Variants in DYNLRB1 observed in about 807,000 individuals in gnomAD.
DYNLRB1 encodes the protein ROBL/LC7-like 1.
DYNLRB1 carries 6 observed loss-of-function variants against 13.5 expected under a neutral mutation model. That is an observed-to-expected ratio of 0.44 (90% CI 0.24 to 0.88). The LOEUF is 0.88. Ranked by LOEUF, DYNLRB1 falls within the 40% of genes least tolerant of loss-of-function variation. The probability of loss-of-function intolerance (pLI) is 0.21; values close to 1 mark genes in which losing one functional copy is unlikely to be tolerated. For missense variants in DYNLRB1, 93 were observed against 127.2 expected (o/e 0.73, Z 1.29); for synonymous variants, 43 against 45.0 (o/e 0.96, Z 0.18).
At chr20:34,519,671 T>A (rs868762435) in intron 1 of DYNLRB1, among the ~76,000 whole-genome samples, 2 of 152,160 alleles carry the variant, frequency 1.3e-5, no homozygotes, top group South Asian at 2.1e-4. Flanking sequence ...CATATGTACA[T>A]TTAGGTGGTG....
At chr20:34,532,034 G>A (rs17091883) in intron 2 of DYNLRB1, among the ~76,000 whole-genome samples, 2,960 of 152,262 alleles carry the variant, frequency 0.019, 89 homozygotes, top group African/African-American at 0.059. Context: ...GCTAAGGGGC[G>A]GGTTCCCGGC....
chr20:34,532,070 G>A (rs1980756810), intron 2 of DYNLRB1, among the ~76,000 whole-genome samples: 1 of 152,204 alleles, frequency 6.6e-6, no homozygotes, highest in African/African-American at 2.4e-5. Flanking sequence ...GCCAACCCAG[G>A]GCTCTACCTG....
intron 1 of DYNLRB1, 33 bp downstream of exon 1, chr20:34,516,494 C>T: frequency 6.2e-7 from 1 of 1,608,144 alleles, no homozygotes; most frequent in Non-Finnish European, 8.5e-7. Flanking sequence ...TGGCTGGCGG[C>T]CGCCCACCAC....
chr20:34,536,271 G>A (rs1389187449), intron 3 of DYNLRB1: 1 of 985,296 alleles, frequency 1.0e-6, no homozygotes, highest in Admixed American at 6.1e-5. Flanking sequence ...CAGAACACCT[G>A]CAAATCCACA....
intron 1 of DYNLRB1, chr20:34,516,973 T>G: frequency 1.5e-6 from 2 of 1,315,422 alleles, no homozygotes. Context: ...GGAGATGGAT[T>G]TGAACCCTAG....
At chr20:34,533,574 A>T (rs1980879723) in intron 2 of DYNLRB1, 2 of 949,800 alleles carry the variant, frequency 2.1e-6, no homozygotes, top group African/African-American at 3.5e-5. Context: ...TAATCCCAGC[A>T]CTTTGGAAGG....
At chr20:34,525,527 A>C (rs1296404100) in intron 1 of DYNLRB1, among the ~76,000 whole-genome samples, 1 of 152,120 alleles carries the variant, frequency 6.6e-6, no homozygotes, top group African/African-American at 2.4e-5. Flanking sequence ...TTAGATGGTC[A>C]AGAGGAGTTT....
intron 2 of DYNLRB1, among the ~76,000 whole-genome samples, chr20:34,528,834 TGTG>T (rs997115215): frequency 2.0e-5 from 3 of 151,744 alleles, no homozygotes; most frequent in African/African-American, 7.3e-5. Context: ...ATTAGGCAGG[TGTG>T]GTGGCACACG....
At chr20:34,518,905 T>C (rs761511533) in intron 1 of DYNLRB1, among the ~76,000 whole-genome samples, 14 of 152,108 alleles carry the variant, frequency 9.2e-5, no homozygotes, top group Non-Finnish European at 1.8e-4. Context: ...TTTTTTTTTT[T>C]CTTTTGAAAC....
At chr20:34,528,913 G>T (rs546589494) in intron 2 of DYNLRB1, among the ~76,000 whole-genome samples, 1 of 152,048 alleles carries the variant, frequency 6.6e-6, no homozygotes, top group Non-Finnish European at 1.5e-5. Flanking sequence ...GTTCAAGACT[G>T]CAGTTTGCTT....
intron 3 of DYNLRB1, among the ~76,000 whole-genome samples, chr20:34,540,050 G>A (rs748103640): frequency 1.1e-4 from 17 of 152,182 alleles, no homozygotes; most frequent in Non-Finnish European, 1.9e-4. Flanking sequence ...TTCCATCTTT[G>A]ACACTAAGTA....
At chr20:34,537,957 C>T (rs999301770) in intron 3 of DYNLRB1, among the ~76,000 whole-genome samples, 12 of 151,618 alleles carry the variant, frequency 7.9e-5, no homozygotes, top group Non-Finnish European at 1.6e-4. Flanking sequence ...TCACCCCACC[C>T]TGGCCCAGAA....
chr20:34,516,512 C>G, intron 1 of DYNLRB1, 51 bp downstream of exon 1: 1 of 1,608,376 alleles, frequency 6.2e-7, no homozygotes, highest in Non-Finnish European at 8.5e-7. Context: ...CACCCCACGC[C>G]AGGCCTTCAG....
chr20:34,530,128 C>T (rs937659272), intron 2 of DYNLRB1: 31 of 1,227,774 alleles, frequency 2.5e-5, no homozygotes, highest in South Asian at 1.9e-4. Context: ...GACCCCCAGG[C>T]TTCCACATGA....
rs773800477 is a variant in DYNLRB1, at chr20:34,516,475, G to C, written c.3+14G>C. On this transcript the variant is annotated intron_variant, in intron 1 of 3. Coordinates refer to ENST00000357156, the MANE Select transcript of DYNLRB1 (RefSeq NM_014183.4). ...CGGTCGGAAATGGTGAGCGTGCGCC[G>C]GGGTCTTGTGGCTGGCGGCCGCCCA... The C allele has an allele frequency of 1.1e-4, 183 of 1,612,460 alleles. No individual in the cohort carries two copies. The highest frequency in any genetic ancestry group is 1.5e-4 in the Non-Finnish European group (179 of 1,179,132).
At chr20:34,528,084 G>A (rs1302464257) in intron 2 of DYNLRB1, among the ~76,000 whole-genome samples, 2 of 109,062 alleles carry the variant, frequency 1.8e-5, no homozygotes, top group Admixed American at 1.6e-4. Context: ...AGGCCGAGGC[G>A]GGCGGATCAC....
At chr20:34,530,375 T>A in intron 2 of DYNLRB1, 1 of 772,030 alleles carries the variant, frequency 1.3e-6, no homozygotes, top group Non-Finnish European at 1.6e-6. Flanking sequence ...AGCCACTTTC[T>A]CTGTTAAGTT....
chr20:34,527,180 C>A (rs1222400359), intron 2 of DYNLRB1, among the ~76,000 whole-genome samples: 1 of 152,194 alleles, frequency 6.6e-6, no homozygotes, highest in Non-Finnish European at 1.5e-5. Context: ...CCAAGCCCGT[C>A]TGAGTGCGCT....
intron 3 of DYNLRB1, chr20:34,535,210 G>A (rs569739590): frequency 1.0e-6 from 1 of 985,438 alleles, no homozygotes; most frequent in South Asian, 4.7e-5. Context: ...GGGGCGGAAA[G>A]CCACGTTTGG....
Sources: allele counts gnomAD v4.1 joint callset (sites outside exome capture counted in the v4.1 genomes callset), GRCh38; gene constraint gnomAD v4.1.1; transcripts MANE v1.5; gene names NCBI Gene and HGNC (gene_info 2026-07-23, HGNC 2026-07-21).